Variants in BNC2 observed in about 807,000 individuals in gnomAD.
The protein encoded by BNC2 is basonuclin zinc finger protein 2.
Under a neutral mutation model 76.3 loss-of-function variants are expected in BNC2, and 20 were observed. The ratio of observed to expected loss-of-function variants is 0.26; its 90% CI spans 0.18 to 0.38. The LOEUF (loss-of-function observed/expected upper bound fraction) is 0.38. BNC2 is among the 10% of genes least tolerant of loss of function. The pLI, the probability that BNC2 is intolerant of heterozygous loss-of-function variation, is 1.00. For synonymous variants in BNC2, 582 were observed against 514.8 expected, an observed-to-expected ratio of 1.13 and a Z score of -1.77; for missense variants, 1,382 against 1,399.8, an observed-to-expected ratio of 0.99 and a Z score of 0.20.
At chr9:16,682,553 G>T (rs1468832694) in intron 3 of BNC2, among the ~76,000 whole-genome samples, 1 of 151,984 alleles carries the variant, frequency 6.6e-6, no homozygotes, top group Admixed American at 6.6e-5. Context: ...AGCCACAGTT[G>T]TTCATTAATT....
At position 16,583,905 on chromosome 9, in the gene BNC2, C is replaced by T. The variant is rs112568917; in HGVS notation, c.331-820G>A. Among the ~76,000 whole-genome samples, 177 of 152,284 alleles carry T rather than the reference C, an allele frequency of 1.2e-3. 1 individual carries two copies. Among genetic ancestry groups the T allele is most frequent in the African/African-American group, 4.1e-3 (172 of 41,562 alleles). ...TTATAACCACTTTAAAAAACCATCT[C>T]ACCAGTTAATATTATAAAATGAATC... On this transcript the variant is annotated intron_variant, in intron 3 of 6. Coordinates refer to ENST00000380672, the MANE Select transcript of BNC2 (RefSeq NM_017637.6).
At chr9:16,744,635 G>A (rs1474868128) in intron 1 of BNC2, among the ~76,000 whole-genome samples, 2 of 152,126 alleles carry the variant, frequency 1.3e-5, no homozygotes, top group Non-Finnish European at 2.9e-5. Flanking sequence ...TCAGGACTTG[G>A]AGCATTTCCA....
chr9:16,759,908 A>T (rs1320158702), intron 1 of BNC2, among the ~76,000 whole-genome samples: 1 of 152,082 alleles, frequency 6.6e-6, no homozygotes, highest in African/African-American at 2.4e-5. Context: ...TATTTTCAGT[A>T]GAGACGGGGT....
intron 4 of BNC2, among the ~76,000 whole-genome samples, chr9:16,563,346 T>C (rs1272895194): frequency 1.3e-5 from 2 of 152,126 alleles, no homozygotes; most frequent in African/African-American, 4.8e-5. Flanking sequence ...GGGCAGGACT[T>C]GGTCGCTCAT....
intron 3 of BNC2, among the ~76,000 whole-genome samples, chr9:16,614,632 T>C (rs1045865029): frequency 3.4e-4 from 46 of 135,944 alleles, no homozygotes; most frequent in African/African-American, 1.2e-3. Flanking sequence ...TAAGGTGATA[T>C]GGAAGAGCTA....
In BNC2 at chr9:16,658,104, C is replaced by A. The variant is rs551549850; in HGVS notation, c.330+69693G>T. On this transcript the variant is annotated intron_variant, in intron 3 of 6. Transcript: ENST00000380672. ...AAGGAGATCCTAATTTACTAATTTG[C>A]AAGGGAATGGGGACATCTCTACATT... Among the ~76,000 whole-genome samples, 37 of 152,208 alleles carry A rather than the reference C, an allele frequency of 2.4e-4. No homozygotes were observed. In the South Asian group the frequency reaches 7.7e-3, roughly 32 times the overall value.
At chr9:16,591,865 G>C (rs1819939234) in intron 3 of BNC2, among the ~76,000 whole-genome samples, 1 of 152,122 alleles carries the variant, frequency 6.6e-6, no homozygotes, top group South Asian at 2.1e-4. Context: ...TTGTCTAATT[G>C]TTTTTAATGT....
At chr9:16,689,783 G>A (rs541323432) in intron 3 of BNC2, among the ~76,000 whole-genome samples, 2 of 152,196 alleles carry the variant, frequency 1.3e-5, no homozygotes, top group Admixed American at 1.3e-4. Flanking sequence ...TAATTTCAGT[G>A]GTTATACAAT....
chr9:16,584,364 C>T (rs1819711649), intron 3 of BNC2, among the ~76,000 whole-genome samples: 1 of 152,172 alleles, frequency 6.6e-6, no homozygotes, highest in East Asian at 1.9e-4. Flanking sequence ...GGGACAAATT[C>T]CATTCACAGA....
intron 5 of BNC2, among the ~76,000 whole-genome samples, chr9:16,461,766 T>C (rs1304770644): frequency 1.3e-5 from 2 of 152,184 alleles, no homozygotes; most frequent in Admixed American, 6.5e-5. Flanking sequence ...TGGTTTTACA[T>C]ACCTACTGTG....
chr9:16,482,082 CTGT>C (rs1822068457), intron 5 of BNC2, among the ~76,000 whole-genome samples: 1 of 152,112 alleles, frequency 6.6e-6, no homozygotes, highest in East Asian at 1.9e-4. Flanking sequence ...ATACTAAAAA[CTGT>C]TGTCAGTAAT....
At chr9:16,863,284 T>G (rs538692388) in intron 1 of BNC2, among the ~76,000 whole-genome samples, 2 of 152,200 alleles carry the variant, frequency 1.3e-5, no homozygotes, top group East Asian at 1.9e-4. Flanking sequence ...TAGGATAGGA[T>G]AGCTGGGCAT....
intron 5 of BNC2, among the ~76,000 whole-genome samples, chr9:16,548,096 CAG>C (rs1818544348): frequency 6.6e-6 from 1 of 152,180 alleles, no homozygotes; most frequent in East Asian, 1.9e-4. Context: ...GCTAAATATT[CAG>C]AGTGTCTCAA....
chr9:16,430,012 C>T (rs74602641), intron 6 of BNC2: 7,210 of 508,632 alleles, frequency 0.014, 78 homozygotes, highest in Non-Finnish European at 0.021. Flanking sequence ...AAAAAGAACC[C>T]CAGGGACAGG....
chr9:16,862,523 G>A (rs952755731), intron 1 of BNC2, among the ~76,000 whole-genome samples: 3 of 152,244 alleles, frequency 2.0e-5, no homozygotes, highest in East Asian at 3.9e-4. Context: ...CCGTCCCAGC[G>A]CTGTTCTGAG....
At chr9:16,622,276 G>A (rs1210775782) in intron 3 of BNC2, among the ~76,000 whole-genome samples, 1 of 152,028 alleles carries the variant, frequency 6.6e-6, no homozygotes, top group Non-Finnish European at 1.5e-5. Context: ...AGGAAAATAG[G>A]TTTTATTCAT....
chr9:16,765,849 C>G (rs976516818), intron 1 of BNC2, among the ~76,000 whole-genome samples: 3 of 151,274 alleles, frequency 2.0e-5, no homozygotes, highest in Non-Finnish European at 2.9e-5. Context: ...TGCAGTGGCA[C>G]GATCTCGGCT....
intron 3 of BNC2, among the ~76,000 whole-genome samples, chr9:16,689,645 TA>T (rs947982921): frequency 3.4e-3 from 479 of 140,570 alleles, no homozygotes; most frequent in Middle Eastern, 0.011. Flanking sequence ...AATGTAAGTT[TA>T]AAAAAAAAAA....
At chr9:16,863,614 G>T (rs937601255) in intron 1 of BNC2, among the ~76,000 whole-genome samples, 1 of 152,148 alleles carries the variant, frequency 6.6e-6, no homozygotes, top group African/African-American at 2.4e-5. Flanking sequence ...AGAATCTCTT[G>T]AACCCAGGAG....
Sources: gnomAD v4.1 joint callset for allele counts (sites outside exome capture counted in the v4.1 genomes callset) on GRCh38, gnomAD v4.1.1 for gene constraint, MANE v1.5 for transcripts, NCBI Gene and HGNC (gene_info 2026-07-23, HGNC 2026-07-21) for gene names.